Variants in SCAF4 observed in about 807,000 individuals in gnomAD.
The protein encoded by SCAF4 is SR-related and CTD-associated factor 4.
SCAF4 carries 25 observed loss-of-function variants against 129.8 expected under a neutral mutation model. The ratio of observed to expected loss-of-function variants is 0.19; its 90% CI spans 0.14 to 0.27. SCAF4 has a LOEUF of 0.27. Among genes scored for constraint, SCAF4 ranks in the 10% least tolerant of loss-of-function variants. The pLI, the probability that SCAF4 is intolerant of heterozygous loss-of-function variation, is 1.00. For synonymous variants in SCAF4, 551 were observed against 497.7 expected (o/e 1.11, Z -1.43); for missense variants, 1,246 against 1,457.1 (o/e 0.86, Z 2.36).
At chr21:31,714,209 A>C (rs1257662286) in intron 1 of SCAF4, among the ~76,000 whole-genome samples, 1 of 152,164 alleles carries the variant, frequency 6.6e-6, no homozygotes, top group African/African-American at 2.4e-5. Flanking sequence ...GTCACCCCGC[A>C]GAGGACAAGT....
intron 1 of SCAF4, among the ~76,000 whole-genome samples, chr21:31,729,796 G>A (rs996386909): frequency 2.6e-5 from 4 of 152,122 alleles, no homozygotes; most frequent in Non-Finnish European, 5.9e-5. Context: ...ACATTTAAAA[G>A]GTCAAATATC....
intron 12 of SCAF4, 61 bp from the exon 13 acceptor site, chr21:31,692,510 T>A: frequency 1.8e-6 from 2 of 1,108,616 alleles, no homozygotes; most frequent in East Asian, 2.5e-5. Flanking sequence ...CACTGTAGCT[T>A]ACATTAAAAA....
intron 1 of SCAF4, among the ~76,000 whole-genome samples, chr21:31,716,390 C>T (rs1237934364): frequency 1.3e-5 from 2 of 152,004 alleles, no homozygotes; most frequent in Non-Finnish European, 2.9e-5. Flanking sequence ...TACATATATA[C>T]TCACAATGAC....
intron 1 of SCAF4, among the ~76,000 whole-genome samples, chr21:31,723,609 G>GTTTTGTGTGTGTGTGTGTGTGTGTGT (rs112184778): frequency 2.5e-4 from 37 of 146,102 alleles, no homozygotes; most frequent in African/African-American, 9.0e-4. Context: ...TGATTTATAT[G>GTTTTGTGTGTGTGTGTGTGTGTGTGT]ATGTGTGTGT....
At chr21:31,730,348 C>T (rs540018839) in intron 1 of SCAF4, among the ~76,000 whole-genome samples, 5 of 152,200 alleles carry the variant, frequency 3.3e-5, no homozygotes, top group Non-Finnish European at 7.3e-5. Context: ...TTACAAGACA[C>T]TGTCCAATAC....
chr21:31,731,757 C>A lies in SCAF4; in HGVS notation c.-65G>T. Reference sequence around the variant, plus strand: ...ACATAGACCTCGCGCCGCGGCGGAGCGGGGCTGGGAAACCAGCCGGGCCTG... The same window carrying A: ...ACATAGACCTCGCGCCGCGGCGGAGAGGGGCTGGGAAACCAGCCGGGCCTG... On this transcript the variant is annotated 5_prime_UTR_variant, in exon 1 of 20. Transcript: ENST00000286835. The A allele has an allele frequency of 6.5e-7, 1 of 1,535,370 alleles. No homozygotes were observed. Among genetic ancestry groups the A allele is most frequent in the Non-Finnish European group, 8.7e-7 (1 of 1,149,534 alleles).
At position 31,671,771 on chromosome 21, in the gene SCAF4, A is replaced by C; in HGVS notation, c.3072T>G (p.Asp1024Glu). The part of the protein sequence containing the change: ...ERYGNRNDDR[D>E]NSNRDRREWG... ...ACTCTCTCCTGTCACGGTTACTATT[A>C]TCTCTATCATCATTACGGTTCCCAT... is the stretch of plus-strand genomic sequence containing the variant. Residue 1024 changes from aspartate (D) to glutamate (E), a missense_variant, in exon 20 of 20, where the codon GAT (aspartate) becomes GAG (glutamate). Around this residue, in one of 6 missense-constraint regions of SCAF4, gnomAD observed 339 missense variants for 325.0 expected, o/e 1.04. Transcript: ENST00000286835. 1.9e-6 allele frequency: 3 copies of C among 1,613,852 alleles called. No homozygotes were observed. The highest frequency in any genetic ancestry group is 2.5e-6 in the Non-Finnish European group (3 of 1,179,904).
rs114621665 is a variant in SCAF4, at chr21:31,702,129, T to C, written c.457+115A>G. 415 of 1,422,326 alleles carry C rather than the reference T, an allele frequency of 2.9e-4. 4 individuals carry two copies. The African/African-American group carries it at 5.5e-3, about 19-fold the overall frequency. The allele number at this position is 1,422,326 out of a possible 1,614,324, so 88.1% of individuals were successfully genotyped here. A position where few individuals can be genotyped will look rare whatever the true frequency, so the allele number is the denominator to read the frequency against. ...GGAAAGAAAATCATACCTTCCAAGA[T>C]GTAAACTCAAGTTTCCTTCTTATAG... On this transcript the variant is annotated intron_variant, in intron 5 of 19. Transcript: ENST00000286835.
At chr21:31,683,263 G>GAT (rs1270087055) in intron 19 of SCAF4, among the ~76,000 whole-genome samples, 2 of 152,192 alleles carry the variant, frequency 1.3e-5, no homozygotes, top group African/African-American at 2.4e-5. Context: ...GTCAGGTGAT[G>GAT]ATAAACGCTA....
intron 1 of SCAF4, among the ~76,000 whole-genome samples, chr21:31,714,053 C>G (rs948270533): frequency 5.3e-5 from 8 of 152,140 alleles, no homozygotes; most frequent in Non-Finnish European, 8.8e-5. Context: ...GAATCTGGGT[C>G]TGGCCATGCA....
intron 19 of SCAF4, among the ~76,000 whole-genome samples, chr21:31,677,534 A>G (rs2049889487): frequency 6.6e-6 from 1 of 152,104 alleles, no homozygotes; most frequent in Non-Finnish European, 1.5e-5. Context: ...CATCAATCCA[A>G]TGAAAGCACT....
chr21:31,701,770 G>A lies in SCAF4; in HGVS notation c.600+6C>T. 1 of 1,604,496 alleles carries A rather than the reference G, an allele frequency of 6.2e-7. No individual in the cohort carries two copies. The highest frequency in any genetic ancestry group is 8.5e-7 in the Non-Finnish European group (1 of 1,177,452). ...AAACAATTTCACTTTTGAGTAGACA[G>A]TTTACCTGTTGGCCTTGAGTTGTCT... On this transcript the variant is annotated splice_donor_region_variant and intron_variant, in intron 6 of 19. Transcript: ENST00000286835.
Position 31,672,138 on chromosome 21 carries a change from G to A in SCAF4, c.2705C>T (p.Pro902Leu), listed in dbSNP as rs2049721623. 5 of 1,607,698 alleles carry A rather than the reference G, an allele frequency of 3.1e-6. No homozygotes were observed. Among genetic ancestry groups the A allele is most frequent in the East Asian group, 2.2e-5 (1 of 44,722 alleles). ...PGPGGFAMPP[P>L]HGMKGPFPPH... ...TGGGAAGGGACCTTTCATTCCATGA[G>A]GTGGAGGCATCGCAAAGCCCCCTGG... Residue 902 changes from proline (P) to leucine (L), a missense_variant, in exon 20 of 20, where the codon CCT becomes CTT. By Grantham distance (98) the Pro-to-Leu change is moderately conservative. Coordinates refer to ENST00000286835, the MANE Select transcript of SCAF4 (RefSeq NM_020706.2).
rs114023134 is a variant in SCAF4 at position 31,704,935 on chromosome 21, G to C, written c.159+488C>G. Among the ~76,000 whole-genome samples the C allele has an allele frequency of 4.7e-3, 715 of 152,210 alleles. 3 individuals carry two copies. Among genetic ancestry groups the C allele is most frequent in the African/African-American group, 0.016 (683 of 41,534 alleles). On this transcript the variant is annotated intron_variant, in intron 3 of 19. Transcript: ENST00000286835. The stretch of plus-strand genomic sequence containing the variant: ...TAGGTACTACATGTCACAGCTCCAG[G>C]TCAGGGGTTAAGACAAAGATGTCTC...
intron 1 of SCAF4, among the ~76,000 whole-genome samples, chr21:31,713,201 C>T (rs1294877301): frequency 6.6e-6 from 1 of 152,110 alleles, no homozygotes; most frequent in Non-Finnish European, 1.5e-5. Context: ...AGGAATCTCT[C>T]AAGAGAAGTA....
chr21:31,717,864 CACACACATAT>C (rs1484151171), intron 1 of SCAF4, among the ~76,000 whole-genome samples: 2 of 121,998 alleles, frequency 1.6e-5, no homozygotes, highest in Non-Finnish European at 3.3e-5. Flanking sequence ...CACACACACA[CACACACATAT>C]ACACATATAT....
chr21:31,711,944 A>G (rs720935), intron 1 of SCAF4, among the ~76,000 whole-genome samples: 17,686 of 152,114 alleles, frequency 0.12, 1,430 homozygotes, highest in East Asian at 0.31. Flanking sequence ...ACAATACTGA[A>G]TGTGGTGACT....
intron 19 of SCAF4, among the ~76,000 whole-genome samples, chr21:31,674,533 T>C (rs1407432169): frequency 6.6e-6 from 1 of 152,092 alleles, no homozygotes; most frequent in Non-Finnish European, 1.5e-5. Context: ...ACAAAAAAAA[T>C]TTTATCTGTA....
chr21:31,685,110 C>T lies in SCAF4; in HGVS notation c.2427G>A (p.Val809=), dbSNP rs2050086291. 1 of 1,613,046 alleles carries T rather than the reference C, an allele frequency of 6.2e-7. No individual in the cohort carries two copies. Among genetic ancestry groups the T allele is most frequent in the Admixed American group, 1.7e-5 (1 of 60,012 alleles). ...GCAGATTCGTGGGTGCAGCAGGTGG[C>T]ACGGCAGAGCCATACATTTTCACGC... is the stretch of plus-strand genomic sequence containing the variant. ...GDSVKMYGSA[V]PPAAPTNLPT... is the part of the protein sequence containing the mutation. The change falls in exon 19 of 20, where the codon GTG becomes GTA. Residue 809 remains valine, a synonymous_variant. Coordinates refer to ENST00000286835, the MANE Select transcript of SCAF4 (RefSeq NM_020706.2).
Sources: allele counts gnomAD v4.1 joint callset (sites outside exome capture counted in the v4.1 genomes callset), GRCh38; gene constraint gnomAD v4.1.1; regional missense constraint gnomAD v4.1.1; transcripts MANE v1.5; gene names NCBI Gene and HGNC (gene_info 2026-07-23, HGNC 2026-07-21).